PRKG1: variants seen among roughly 807,000 people sequenced by gnomAD.
The protein encoded by PRKG1 is cGMP-dependent protein kinase 1.
PRKG1 carries 35 observed loss-of-function variants against 88.1 expected under a neutral mutation model. The ratio of observed to expected loss-of-function variants is 0.40; its 90% CI spans 0.30 to 0.53. The LOEUF (loss-of-function observed/expected upper bound fraction) is 0.53. PRKG1 is among the 20% of genes least tolerant of loss of function. The probability of loss-of-function intolerance (pLI) is 0.59; values close to 1 mark genes in which losing one functional copy is unlikely to be tolerated. For missense variants in PRKG1, 540 were observed against 839.8 expected, an observed-to-expected ratio of 0.64 and a Z score of 4.41; for synonymous variants, 303 against 292.5, an observed-to-expected ratio of 1.04 and a Z score of -0.37.
At chr10:51,669,184 TAAAC>T (rs1840494948) in intron 3 of PRKG1, among the ~76,000 whole-genome samples, 1 of 152,220 alleles carries the variant, frequency 6.6e-6, no homozygotes, top group Non-Finnish European at 1.5e-5. Context: ...CTGGGCGACT[TAAAC>T]AACAGCCATT....
chr10:51,633,716 G>A (rs543681932), intron 3 of PRKG1, among the ~76,000 whole-genome samples: 17 of 152,218 alleles, frequency 1.1e-4, no homozygotes, highest in African/African-American at 3.6e-4. Flanking sequence ...AGTCAGAGCC[G>A]GCAGTTTTAG....
intron 2 of PRKG1, among the ~76,000 whole-genome samples, chr10:51,420,257 T>C (rs1838371300): frequency 6.6e-6 from 1 of 152,128 alleles, no homozygotes; most frequent in South Asian, 2.1e-4. Context: ...ATAGTATTAG[T>C]ATTACTATCT....
chr10:52,057,358 A>G (rs1336195691), intron 6 of PRKG1, among the ~76,000 whole-genome samples: 1 of 152,194 alleles, frequency 6.6e-6, no homozygotes, highest in African/African-American at 2.4e-5. Context: ...TGCAGTGATG[A>G]TGGCTAAAAT....
chr10:51,275,128 G>T (rs565379304), intron 2 of PRKG1, among the ~76,000 whole-genome samples: 1 of 152,156 alleles, frequency 6.6e-6, no homozygotes, highest in Non-Finnish European at 1.5e-5. Context: ...GAGTGGAAAG[G>T]GTAAAGTATT....
At chr10:51,942,812 A>G (rs1268985746) in intron 5 of PRKG1, among the ~76,000 whole-genome samples, 1 of 150,898 alleles carries the variant, frequency 6.6e-6, no homozygotes, top group Non-Finnish European at 1.5e-5. Flanking sequence ...ATTGATCTAT[A>G]TCTCTGTTTT....
At chr10:51,797,533 T>A (rs1316217788) in intron 3 of PRKG1, among the ~76,000 whole-genome samples, 1 of 146,774 alleles carries the variant, frequency 6.8e-6, no homozygotes, top group Non-Finnish European at 1.5e-5. Flanking sequence ...AAATTTGTTG[T>A]ATGTATTTAA....
chr10:51,956,314 A>G (rs979037829), intron 5 of PRKG1, among the ~76,000 whole-genome samples: 1 of 151,986 alleles, frequency 6.6e-6, no homozygotes, highest in East Asian at 1.9e-4. Flanking sequence ...ACAGGAATAC[A>G]TATCTGGTGT....
chr10:51,595,328 TAAAC>T (rs1391430442), intron 3 of PRKG1, among the ~76,000 whole-genome samples: 1 of 151,834 alleles, frequency 6.6e-6, no homozygotes, highest in Non-Finnish European at 1.5e-5. Flanking sequence ...TTTCAAAAAA[TAAAC>T]AGATAAAAAT....
intron 1 of PRKG1, among the ~76,000 whole-genome samples, chr10:51,002,535 A>T (rs1270950100): frequency 1.3e-5 from 2 of 152,226 alleles, no homozygotes; most frequent in Admixed American, 6.5e-5. Flanking sequence ...TAGGGTAAAG[A>T]GTAGTCTGGC....
chr10:51,331,001 G>A (rs1841726798), intron 2 of PRKG1, among the ~76,000 whole-genome samples: 1 of 152,130 alleles, frequency 6.6e-6, no homozygotes, highest in African/African-American at 2.4e-5. Flanking sequence ...ATAGTCTCAG[G>A]TGTGCCACAG....
intron 6 of PRKG1, among the ~76,000 whole-genome samples, chr10:52,056,556 C>T (rs951256554): frequency 1.3e-5 from 2 of 152,084 alleles, no homozygotes; most frequent in Non-Finnish European, 2.9e-5. Context: ...AATTACACCA[C>T]AGGAACCAAT....
At chr10:51,453,687 T>C (rs535074378) in intron 2 of PRKG1, among the ~76,000 whole-genome samples, 1 of 152,192 alleles carries the variant, frequency 6.6e-6, no homozygotes, top group South Asian at 2.1e-4. Context: ...GATATAATTT[T>C]TACTTTGTTA....
chr10:51,533,107 TC>T (rs1195557028), intron 3 of PRKG1, among the ~76,000 whole-genome samples: 2 of 152,222 alleles, frequency 1.3e-5, no homozygotes, highest in African/African-American at 4.8e-5. Flanking sequence ...CTAATTTTCT[TC>T]TGTTGAATTT....
intron 1 of PRKG1, among the ~76,000 whole-genome samples, chr10:51,016,976 C>T (rs1196134757): frequency 1.3e-5 from 2 of 151,718 alleles, no homozygotes; most frequent in African/African-American, 4.8e-5. Flanking sequence ...CTATTATCCC[C>T]ATTTTTAAGA....
At chr10:51,978,076 C>T (rs548627811) in intron 5 of PRKG1, among the ~76,000 whole-genome samples, 8 of 151,956 alleles carry the variant, frequency 5.3e-5, no homozygotes, top group African/African-American at 1.7e-4. Flanking sequence ...TTGCCTATGT[C>T]GTCTTCCAGG....
At chr10:52,274,123 T>C (rs1332263435) in intron 12 of PRKG1, among the ~76,000 whole-genome samples, 1 of 152,002 alleles carries the variant, frequency 6.6e-6, no homozygotes, top group Non-Finnish European at 1.5e-5. Context: ...TCTTATAGCT[T>C]ATTATTTTTT....
At chr10:51,248,887 A>G (rs562221787) in intron 2 of PRKG1, among the ~76,000 whole-genome samples, 2 of 151,898 alleles carry the variant, frequency 1.3e-5, no homozygotes, top group South Asian at 4.1e-4. Flanking sequence ...CTTCTTATAA[A>G]AAGCATCCCT....
At chr10:51,944,211 A>G (rs1300656414) in intron 5 of PRKG1, among the ~76,000 whole-genome samples, 1 of 151,832 alleles carries the variant, frequency 6.6e-6, no homozygotes, top group African/African-American at 2.4e-5. Context: ...GAATTTATCC[A>G]TTTCTTCTAG....
chr10:51,448,422 TA>T (rs1221241049), intron 2 of PRKG1, among the ~76,000 whole-genome samples: 2 of 152,194 alleles, frequency 1.3e-5, no homozygotes, highest in African/African-American at 4.8e-5. Flanking sequence ...TCCCTGCTTT[TA>T]ATTCATTCTG....
Sources: gnomAD v4.1 joint callset for allele counts (sites outside exome capture counted in the v4.1 genomes callset) on GRCh38, gnomAD v4.1.1 for gene constraint, MANE v1.5 for transcripts, NCBI Gene and HGNC (gene_info 2026-07-23, HGNC 2026-07-21) for gene names.